TMEM131: variants seen among roughly 807,000 people sequenced by gnomAD.
TMEM131 encodes the protein transmembrane protein 131.
In TMEM131, 66 loss-of-function variants were observed where a neutral mutation model predicts 211.6. That is an observed-to-expected ratio of 0.31 (90% CI 0.26 to 0.38). The LOEUF is 0.38. Ranked by LOEUF, TMEM131 falls within the 10% of genes least tolerant of loss-of-function variation. The pLI is 1.00. For missense variants in TMEM131, 2,036 were observed against 2,299.3 expected, an observed-to-expected ratio of 0.89 and a Z score of 2.34; for synonymous variants, 844 against 841.3, an observed-to-expected ratio of 1.00 and a Z score of -0.06.
At chr2:97,913,945 C>T (rs1443833075) in intron 2 of TMEM131, among the ~76,000 whole-genome samples, 2 of 152,090 alleles carry the variant, frequency 1.3e-5, no homozygotes, top group African/African-American at 4.8e-5. Context: ...TCTCTGTCAC[C>T]TTTAGAGACA....
At chr2:97,766,888 T>A (rs1207539716) in intron 33 of TMEM131, among the ~76,000 whole-genome samples, 1 of 152,102 alleles carries the variant, frequency 6.6e-6, no homozygotes, top group Non-Finnish European at 1.5e-5. Flanking sequence ...TGAGGGAGGA[T>A]CTATCTCAGA....
intron 11 of TMEM131, among the ~76,000 whole-genome samples, chr2:97,822,752 CTGTTG>C (rs933335764): frequency 6.6e-6 from 1 of 152,110 alleles, no homozygotes; most frequent in Non-Finnish European, 1.5e-5. Flanking sequence ...GGTCCAGGGA[CTGTTG>C]TGGGTGCCTG....
At chr2:97,783,500 G>A (rs1573354017) in intron 31 of TMEM131, among the ~76,000 whole-genome samples, 1 of 151,974 alleles carries the variant, frequency 6.6e-6, no homozygotes, top group Non-Finnish European at 1.5e-5. Context: ...AAGACAACTG[G>A]GGGAAAGCAA....
intron 1 of TMEM131, among the ~76,000 whole-genome samples, chr2:97,980,392 G>A (rs1202618106): frequency 2.6e-5 from 4 of 152,210 alleles, no homozygotes; most frequent in African/African-American, 9.7e-5. Flanking sequence ...CTACACACCT[G>A]TTAAGATGGC....
At position 97,841,853 on chromosome 2, in the gene TMEM131, T is replaced by C. The variant is rs760065740; in HGVS notation, c.685A>G (p.Ile229Val). 4.4e-6 allele frequency: 7 copies of C among 1,596,968 alleles called. No individual in the cohort carries two copies. The highest frequency in any genetic ancestry group is 3.4e-5 in the Admixed American group (2 of 58,128). The change falls in exon 7 of 41, where the codon ATA becomes GTA. Residue 229 changes from isoleucine to valine, a missense_variant. By Grantham distance (29) the Ile-to-Val change is conservative (BLOSUM62 3). Transcript: ENST00000186436. Reference sequence around the variant, plus strand: ...CTGTGAGGATTGTGGATGTTTATTATAGGTGAGAAACTGCTATTCACAGGG... The same window carrying C: ...CTGTGAGGATTGTGGATGTTTATTACAGGTGAGAAACTGCTATTCACAGGG... ...RVPVNSSFSPIINIHNPHSEP... is the reference protein window; with the variant it reads ...RVPVNSSFSPVINIHNPHSEP...
intron 1 of TMEM131, among the ~76,000 whole-genome samples, chr2:97,946,119 T>C (rs937562415): frequency 1.3e-5 from 2 of 152,146 alleles, no homozygotes; most frequent in South Asian, 2.1e-4. Flanking sequence ...TTACATCTTG[T>C]AATATAATAT....
At chr2:97,930,606 AT>A (rs35058741) in intron 1 of TMEM131, among the ~76,000 whole-genome samples, 50,933 of 151,518 alleles carry the variant, frequency 0.34, 9,644 homozygotes, top group Non-Finnish European at 0.39. Flanking sequence ...AAATTAACGT[AT>A]TTTGCTTTAA....
chr2:97,949,739 G>A (rs547274792), intron 1 of TMEM131, among the ~76,000 whole-genome samples: 9 of 141,316 alleles, frequency 6.4e-5, no homozygotes, highest in Non-Finnish European at 1.2e-4. Context: ...AGAATGGCAT[G>A]AACCTGGGAG....
intron 1 of TMEM131, among the ~76,000 whole-genome samples, chr2:97,944,432 CTAG>C (rs1677939626): frequency 6.6e-6 from 1 of 152,140 alleles, no homozygotes; most frequent in African/African-American, 2.4e-5. Flanking sequence ...GGTTTCTTAA[CTAG>C]AATAGGTAAG....
chr2:97,806,139 A>T (rs968722549), intron 19 of TMEM131, among the ~76,000 whole-genome samples: 9 of 152,268 alleles, frequency 5.9e-5, no homozygotes, highest in East Asian at 1.9e-4. Flanking sequence ...CAAAATCACA[A>T]TTTTTTTTAA....
rs189063645 is a variant in TMEM131, at chr2:97,877,688, C to T, written c.359+10364G>A. ...CTGAAACTGGACCGCTTCCTTGTAC[C>T]TTATACAAAAATAAACTCAAGATGG... On this transcript the variant is annotated intron_variant, in intron 4 of 40. Coordinates refer to ENST00000186436, the MANE Select transcript of TMEM131 (RefSeq NM_015348.2). 5.6e-4 allele frequency among the ~76,000 whole-genome samples: 86 copies of T among 152,244 alleles called. 1 individual carries two copies. The highest frequency in any genetic ancestry group is 1.5e-4 in the Non-Finnish European group (10 of 68,028).
intron 5 of TMEM131, among the ~76,000 whole-genome samples, chr2:97,851,544 C>T (rs375856870): frequency 3.3e-5 from 5 of 152,316 alleles, no homozygotes; most frequent in African/African-American, 1.2e-4. Context: ...GTAGCAACCA[C>T]GCATCAAGCA....
At position 97,802,695 on chromosome 2, in the gene TMEM131, G is replaced by C. The variant is rs760549144; in HGVS notation, c.2498C>G (p.Pro833Arg). 43 of 1,610,180 alleles carry C rather than the reference G, an allele frequency of 2.7e-5. No homozygotes were observed. In the South Asian group the frequency reaches 4.3e-4, roughly 16 times the overall value. Reference sequence around the variant, plus strand: ...AGTAAGTGGAAATTTCAAGTGCCGGGGTGAGCTAAGTATGGAAGGCCAGGA... The same window carrying C: ...AGTAAGTGGAAATTTCAAGTGCCGGCGTGAGCTAAGTATGGAAGGCCAGGA... The part of the protein sequence containing the change: ...ELSWPSILSS[P>R]RHLKFPLTNT... Residue 833 changes from proline to arginine, a missense_variant, in exon 23 of 41, where the codon CCC becomes CGC. Pro to Arg is a moderately radical substitution (Grantham distance 103, BLOSUM62 -2). Transcript: ENST00000186436.
intron 4 of TMEM131, among the ~76,000 whole-genome samples, chr2:97,880,899 C>T (rs1674897870): frequency 1.3e-5 from 2 of 152,244 alleles, no homozygotes; most frequent in South Asian, 4.2e-4. Context: ...AGGAGGAAAA[C>T]ATGGACAATG....
chr2:97,761,983 G>T, intron 36 of TMEM131, 52 bp downstream of exon 36: 1 of 1,499,388 alleles, frequency 6.7e-7, no homozygotes, highest in Non-Finnish European at 8.9e-7. Context: ...GTGTGACATC[G>T]GGTTTTAGGC....
chr2:97,835,959 GGTTT>G (rs1378027102), intron 8 of TMEM131, among the ~76,000 whole-genome samples: 2 of 152,006 alleles, frequency 1.3e-5, no homozygotes, highest in African/African-American at 4.8e-5. Flanking sequence ...AATTCTCTTA[GGTTT>G]ATTTATTAGA....
intron 11 of TMEM131, among the ~76,000 whole-genome samples, chr2:97,824,048 TTGG>T (rs1682256813): frequency 6.6e-6 from 1 of 152,100 alleles, no homozygotes; most frequent in Non-Finnish European, 1.5e-5. Context: ...CAAACAAACC[TTGG>T]TGGTTCAGAG....
rs537067163 is a variant in TMEM131, at chr2:97,980,597, T to C, written c.187+14879A>G. 4.6e-5 allele frequency among the ~76,000 whole-genome samples: 7 copies of C among 152,312 alleles called. No individual in the cohort carries two copies. In the South Asian group the frequency reaches 1.2e-3, roughly 27 times the overall value. Reference sequence around the variant, plus strand: ...TACCTGAGAGAAAATAAAATACATGTGCATACAAAGACTTACACATGAATG... The same window carrying C: ...TACCTGAGAGAAAATAAAATACATGCGCATACAAAGACTTACACATGAATG... On this transcript the variant is annotated intron_variant, in intron 1 of 40. Coordinates refer to ENST00000186436, the MANE Select transcript of TMEM131 (RefSeq NM_015348.2).
rs764776537 is a variant in TMEM131 at position 97,805,094 on chromosome 2, C to T, written c.2396G>A (p.Gly799Asp). Residue 799 changes from glycine to aspartate, a missense_variant, in exon 22 of 41, where the codon GGT becomes GAT. Physicochemically the swap from Gly to Asp is moderately conservative, Grantham distance 94. Coordinates refer to ENST00000186436, the MANE Select transcript of TMEM131 (RefSeq NM_015348.2). ...KGWTGIKENS[G>D]HRLSAIFEVN... ...ATAAACATAAACCACTCACCTATGA[C>T]CTGAATTTTCCTTTATTCCTGTCCA... 2 of 1,609,254 alleles carry T rather than the reference C, an allele frequency of 1.2e-6. No homozygotes were observed. The highest frequency in any genetic ancestry group is 2.2e-5 in the South Asian group (2 of 90,334).
Sources: gnomAD v4.1 joint callset for allele counts (sites outside exome capture counted in the v4.1 genomes callset) on GRCh38, gnomAD v4.1.1 for gene constraint, MANE v1.5 for transcripts, NCBI Gene and HGNC (gene_info 2026-07-23, HGNC 2026-07-21) for gene names.